The following COMMD10 variants were observed in gnomAD, a reference collection of about 807,000 sequenced individuals.
COMMD10 encodes the protein COMM domain containing 10, also known as COMM domain-containing protein 10.
Under a neutral mutation model 28.9 loss-of-function variants are expected in COMMD10, and 33 were observed. The observed-to-expected ratio is 1.14, with a 90% CI of 0.87 to 1.53. The LOEUF is 1.53. Ranked by LOEUF, COMMD10 falls within the 40% of genes most tolerant of loss-of-function variation. The pLI, the probability that COMMD10 is intolerant of heterozygous loss-of-function variation, is 0.00. For missense variants in COMMD10, 310 were observed against 233.4 expected, an observed-to-expected ratio of 1.33 and a Z score of -2.14; for synonymous variants, 110 against 81.7, an observed-to-expected ratio of 1.35 and a Z score of -1.87.
intron 5 of COMMD10, among the ~76,000 whole-genome samples, chr5:116,271,855 T>G (rs1413066223): frequency 6.6e-6 from 1 of 151,894 alleles, no homozygotes; most frequent in Non-Finnish European, 1.5e-5. Context: ...TACAAAATCA[T>G]TTACTTTTTC....
intron 5 of COMMD10, among the ~76,000 whole-genome samples, chr5:116,279,527 G>A (rs914732640): frequency 2.0e-5 from 3 of 151,928 alleles, no homozygotes; most frequent in Admixed American, 1.3e-4. Context: ...CTGCTGGACT[G>A]CATAATATTT....
chr5:116,219,391 A>G (rs1486594940), intron 5 of COMMD10, among the ~76,000 whole-genome samples: 1 of 152,154 alleles, frequency 6.6e-6, no homozygotes, highest in Non-Finnish European at 1.5e-5. Flanking sequence ...CTGTGTAAGC[A>G]TTACCTTAAA....
Position 116,158,567 on chromosome 5 carries a change from C to G in COMMD10, c.510+24389C>G, listed in dbSNP as rs144657817. ...TCATAGCTAACGGCAGCCTTGATCTCTTAGGTTCAAGCGATCCTCTGGCTT... is the reference window on the plus strand; with the variant it reads ...TCATAGCTAACGGCAGCCTTGATCTGTTAGGTTCAAGCGATCCTCTGGCTT... On this transcript the variant is annotated intron_variant, in intron 5 of 6. Transcript: ENST00000274458. Among the ~76,000 whole-genome samples, 794 of 145,622 alleles carry G rather than the reference C, an allele frequency of 5.5e-3. 49 individuals carry two copies. The highest frequency in any genetic ancestry group is 0.011 in the Admixed American group (151 of 14,326).
At position 116,142,255 on chromosome 5, in the gene COMMD10, G is replaced by C. The variant is rs151119999; in HGVS notation, c.510+8077G>C. Among the ~76,000 whole-genome samples the C allele has an allele frequency of 5.7e-4, 87 of 151,678 alleles. 1 individual carries two copies. The East Asian group carries it at 0.013, about 22-fold the overall frequency. On this transcript the variant is annotated intron_variant, in intron 5 of 6. Coordinates refer to ENST00000274458, the MANE Select transcript of COMMD10 (RefSeq NM_016144.4). ...CATCATTAATATATTCTAAATGACT[G>C]CATTATGTTATGGCTATGACAGACA...
intron 4 of COMMD10, among the ~76,000 whole-genome samples, chr5:116,127,730 A>T (rs1273032192): frequency 3.3e-5 from 5 of 152,132 alleles, no homozygotes; most frequent in African/African-American, 1.2e-4. Context: ...GAACAATGAG[A>T]ACACTTGGAC....
chr5:116,087,585 A>G lies in COMMD10; in HGVS notation c.130A>G (p.Lys44Glu), dbSNP rs141226616. The G allele has an allele frequency of 8.8e-6, 14 of 1,593,526 alleles. No homozygotes were observed. In the African/African-American group the frequency reaches 1.7e-4, roughly 20 times the overall value. The change falls in exon 2 of 7, where the codon AAG (lysine) becomes GAG (glutamate). Residue 44 changes from lysine (K) to glutamate (E), a missense_variant and splice_region_variant. Lys to Glu is a moderately conservative substitution (Grantham distance 56, BLOSUM62 1). Transcript: ENST00000274458. ...TCGGATTCTTCAAAAACTTCACCTG[A>G]AGGTTTGTATTTGTGTGTTTCCATG... ...LTRILQKLHLKAESSFSEEEE... is the reference protein window; with the variant it reads ...LTRILQKLHLEAESSFSEEEE...
At chr5:116,132,881 C>G (rs78387929) in intron 4 of COMMD10, among the ~76,000 whole-genome samples, 2 of 152,070 alleles carry the variant, frequency 1.3e-5, no homozygotes, top group Non-Finnish European at 2.9e-5. Context: ...GATTATATCT[C>G]TACAACATCT....
intron 5 of COMMD10, among the ~76,000 whole-genome samples, chr5:116,205,313 G>A (rs938314387): frequency 1.3e-5 from 2 of 152,032 alleles, no homozygotes; most frequent in Non-Finnish European, 2.9e-5. Context: ...GAATTCTGCA[G>A]TCCCTCCCTA....
At chr5:116,242,863 G>A (rs1007982557) in intron 5 of COMMD10, among the ~76,000 whole-genome samples, 1 of 152,058 alleles carries the variant, frequency 6.6e-6, no homozygotes, top group African/African-American at 2.4e-5. Context: ...AATAATAATC[G>A]TTGGATAGGC....
At chr5:116,246,756 A>AAAT (rs1223848271) in intron 5 of COMMD10, among the ~76,000 whole-genome samples, 1 of 152,164 alleles carries the variant, frequency 6.6e-6, no homozygotes, top group Non-Finnish European at 1.5e-5. Context: ...CCTATTAAAT[A>AAAT]AATAGTGTTG....
chr5:116,111,097 T>C (rs1052923028), intron 4 of COMMD10, among the ~76,000 whole-genome samples: 2 of 152,258 alleles, frequency 1.3e-5, no homozygotes, highest in Non-Finnish European at 1.5e-5. Flanking sequence ...TGATGATCTT[T>C]TGAATTTTTC....
intron 5 of COMMD10, among the ~76,000 whole-genome samples, chr5:116,261,504 G>T (rs907201288): frequency 6.6e-6 from 1 of 151,716 alleles, no homozygotes; most frequent in African/African-American, 2.4e-5. Flanking sequence ...AAATTGGTCA[G>T]TGCAGCCTGC....
At chr5:116,183,950 T>C (rs1748056960) in intron 5 of COMMD10, among the ~76,000 whole-genome samples, 1 of 152,176 alleles carries the variant, frequency 6.6e-6, no homozygotes, top group Non-Finnish European at 1.5e-5. Context: ...TTAAACAAAA[T>C]ATAAATAACT....
intron 3 of COMMD10, among the ~76,000 whole-genome samples, chr5:116,091,813 A>G (rs368713978): frequency 6.6e-6 from 1 of 152,216 alleles, no homozygotes; most frequent in South Asian, 2.1e-4. Context: ...TGGTGTGCTT[A>G]AAATAGATCC....
intron 5 of COMMD10, among the ~76,000 whole-genome samples, chr5:116,276,818 G>C (rs1426842862): frequency 6.6e-6 from 1 of 151,754 alleles, no homozygotes; most frequent in African/African-American, 2.4e-5. Flanking sequence ...AAGCAAATCT[G>C]TTAGAACAAA....
intron 5 of COMMD10, among the ~76,000 whole-genome samples, chr5:116,173,266 A>T (rs952045028): frequency 6.6e-6 from 1 of 152,094 alleles, no homozygotes; most frequent in African/African-American, 2.4e-5. Flanking sequence ...TTCCTAAGTT[A>T]TACTTCCTCT....
At chr5:116,188,497 A>T (rs1257582523) in intron 5 of COMMD10, 1 of 152,078 alleles carries the variant, frequency 6.6e-6, no homozygotes, top group Non-Finnish European at 1.5e-5. Context: ...GGGCCATGCT[A>T]ATCTTCCCTT....
chr5:116,091,223 T>G lies in COMMD10; in HGVS notation c.243+34T>G. The G allele has an allele frequency of 2.6e-6, 3 of 1,163,548 alleles. No individual in the cohort carries two copies. The Middle Eastern group carries it at 6.6e-4, about 255-fold the overall frequency. 72.1% of individuals were successfully genotyped at this position (1,163,548 alleles called of 1,614,324 possible). On this transcript the variant is annotated intron_variant, in intron 3 of 6. Coordinates refer to ENST00000274458, the MANE Select transcript of COMMD10 (RefSeq NM_016144.4). ...ATTGCATCAAATTTTCTAGCCATGA[T>G]TTGTTTACTACATATTTGTATTGTT...
chr5:116,210,506 G>A (rs1460059326), intron 5 of COMMD10, among the ~76,000 whole-genome samples: 4 of 151,978 alleles, frequency 2.6e-5, no homozygotes, highest in African/African-American at 9.7e-5. Context: ...CATACGTTCA[G>A]TATTTTGAAA....
Sources: allele counts gnomAD v4.1 joint callset (sites outside exome capture counted in the v4.1 genomes callset), GRCh38; gene constraint gnomAD v4.1.1; transcripts MANE v1.5; gene names NCBI Gene and HGNC (gene_info 2026-07-23, HGNC 2026-07-21).